The following ATF2 variants were observed in gnomAD, a reference collection of about 807,000 sequenced individuals.
ATF2 encodes activating transcription factor 2, also known as cyclic AMP-dependent transcription factor ATF-2.
A neutral mutation model predicts 60.6 loss-of-function variants in ATF2; 24 were observed. The observed-to-expected ratio is 0.40, with a 90% confidence interval of 0.29 to 0.56. ATF2 has a LOEUF of 0.56. Among genes scored for constraint, ATF2 ranks in the 20% least tolerant of loss-of-function variants. The pLI, the probability that ATF2 is intolerant of heterozygous loss-of-function variation, is 0.54. For missense variants in ATF2, 433 were observed against 607.7 expected, an observed-to-expected ratio of 0.71 and a Z score of 3.02; for synonymous variants, 206 against 215.4, an observed-to-expected ratio of 0.96 and a Z score of 0.38.
chr2:175,085,630 T>G (rs1389718990), intron 12 of ATF2, among the ~76,000 whole-genome samples: 2 of 148,652 alleles, frequency 1.3e-5, no homozygotes, highest in Admixed American at 1.3e-4. Context: ...GGTCTGAAAC[T>G]GATGAACAGG....
rs141869874 is a variant in ATF2 at position 175,097,491 on chromosome 2, G to C, written c.931C>G (p.Arg311Gly). Residue 311 changes from arginine (R) to glycine (G), a missense_variant, in exon 11 of 14, where the codon CGA (arginine) becomes GGA (glycine). This residue lies in a region of ATF2 where 246 missense variants were observed against 309.3 expected (regional missense o/e 0.80). Coordinates refer to ENST00000264110, the MANE Select transcript of ATF2 (RefSeq NM_001880.4). ...GCTGGCTGTTGTAATGACTGCGGTC[G>C]AGATTCCTCTGACTGAGTCCTAACC... ...GLVRTQSEES[R>G]PQSLQQPATS... 9 of 1,614,008 alleles carry C rather than the reference G, an allele frequency of 5.6e-6. No individual in the cohort carries two copies. The highest frequency in any genetic ancestry group is 7.6e-6 in the Non-Finnish European group (9 of 1,180,012).
chr2:175,145,742 T>C (rs1167022222), intron 2 of ATF2, among the ~76,000 whole-genome samples: 1 of 152,180 alleles, frequency 6.6e-6, no homozygotes, highest in Non-Finnish European at 1.5e-5. Flanking sequence ...TGGCACAAGA[T>C]ATTCAAGACG....
At chr2:175,151,738 GTTTA>G (rs1252893846) in intron 1 of ATF2, among the ~76,000 whole-genome samples, 1 of 152,120 alleles carries the variant, frequency 6.6e-6, no homozygotes, top group Non-Finnish European at 1.5e-5. Flanking sequence ...TGATTCAGAA[GTTTA>G]TTTCTTTCAC....
chr2:175,130,978 CTTTTGCCAAAG>C lies in ATF2; in HGVS notation c.33-782_33-772del, dbSNP rs1233187969. ...GCTGTTTCCTTGTAATGTATCAAAA[CTTTTGCCAAAG>C]ATTTGATATATCTCATTTTTAGGAA... On this transcript the variant is annotated intron_variant, in intron 3 of 13. Coordinates refer to ENST00000264110, the MANE Select transcript of ATF2 (RefSeq NM_001880.4). 1.6e-3 allele frequency among the ~76,000 whole-genome samples: 236 copies of C among 152,192 alleles called. 1 individual carries two copies. The highest frequency in any genetic ancestry group is 5.4e-3 in the African/African-American group (226 of 41,538).
chr2:175,159,166 A>G (rs1039540115), intron 1 of ATF2, among the ~76,000 whole-genome samples: 3 of 151,978 alleles, frequency 2.0e-5, no homozygotes, highest in African/African-American at 7.3e-5. Flanking sequence ...AAAAATACAA[A>G]AAAATCAGCG....
At position 175,147,703 on chromosome 2, in the gene ATF2, AT is replaced by A. The variant is rs201936965; in HGVS notation, c.-44+3356del. 2.6e-5 allele frequency among the ~76,000 whole-genome samples: 4 copies of A among 152,180 alleles called. No homozygotes were observed. The East Asian group carries it at 7.7e-4, about 29-fold the overall frequency. On this transcript the variant is annotated intron_variant, in intron 2 of 13. Transcript: ENST00000264110. ...ATGGTTTTTATGAAAATACATAAAC[AT>A]TTTTTTAAAAAGAATAAGACATAGT...
chr2:175,131,102 A>G (rs2105749808), intron 3 of ATF2, among the ~76,000 whole-genome samples: 1 of 152,322 alleles, frequency 6.6e-6, no homozygotes, highest in East Asian at 1.9e-4. Context: ...CCAGGAAGTC[A>G]CCATTATTAA....
chr2:175,086,555 C>T (rs144075808), intron 12 of ATF2, among the ~76,000 whole-genome samples: 1 of 152,124 alleles, frequency 6.6e-6, no homozygotes, highest in East Asian at 1.9e-4. Context: ...TGAGTGGTTC[C>T]TAAGTCATAT....
chr2:175,135,826 T>C (rs1574454669), intron 3 of ATF2, among the ~76,000 whole-genome samples: 1 of 152,174 alleles, frequency 6.6e-6, no homozygotes, highest in African/African-American at 2.4e-5. Flanking sequence ...AGAAATTCTA[T>C]ATAGCAAATA....
intron 1 of ATF2, among the ~76,000 whole-genome samples, chr2:175,162,782 T>C (rs769075475): frequency 5.2e-4 from 79 of 152,188 alleles, no homozygotes; most frequent in Non-Finnish European, 8.8e-4. Flanking sequence ...TGAACACAAT[T>C]ATTTGTTAGT....
At chr2:175,139,529 G>A (rs1445780513) in intron 2 of ATF2, among the ~76,000 whole-genome samples, 9 of 151,886 alleles carry the variant, frequency 5.9e-5, no homozygotes, top group African/African-American at 2.2e-4. Flanking sequence ...AAAATTAGTC[G>A]GGTGTGGTGG....
chr2:175,085,764 G>C (rs963294430), intron 12 of ATF2, among the ~76,000 whole-genome samples: 1 of 152,110 alleles, frequency 6.6e-6, no homozygotes, highest in African/African-American at 2.4e-5. Context: ...AAAGGTTAAT[G>C]AACATCAAGG....
At chr2:175,155,256 T>C (rs1443420893) in intron 1 of ATF2, among the ~76,000 whole-genome samples, 1 of 152,228 alleles carries the variant, frequency 6.6e-6, no homozygotes, top group Non-Finnish European at 1.5e-5. Context: ...ATCCCAAATC[T>C]TATTAGAATG....
chr2:175,126,485 G>GTTAAC lies in ATF2; in HGVS notation c.102+3648_102+3652dup, dbSNP rs557896540. ...GGAAGTGGAGGTAGAAAGTATGCAT[G>GTTAAC]TTAACTCCTTTAATAGTAGGAAACC... is the stretch of plus-strand genomic sequence containing the variant. On this transcript the variant is annotated intron_variant, in intron 4 of 13. Transcript: ENST00000264110. 2.8e-4 allele frequency among the ~76,000 whole-genome samples: 42 copies of GTTAAC among 152,284 alleles called. No homozygotes were observed. The East Asian group carries it at 7.7e-3, about 28-fold the overall frequency.
At chr2:175,129,842 A>G (rs1440275090) in intron 4 of ATF2, among the ~76,000 whole-genome samples, 2 of 152,064 alleles carry the variant, frequency 1.3e-5, no homozygotes, top group African/African-American at 4.8e-5. Flanking sequence ...ATAATTTTCA[A>G]CCAATAACAG....
intron 7 of ATF2, among the ~76,000 whole-genome samples, chr2:175,115,266 G>A (rs1269425884): frequency 1.3e-5 from 2 of 152,058 alleles, no homozygotes; most frequent in African/African-American, 4.8e-5. Flanking sequence ...GTATGAAGAG[G>A]AAACAGGTCC....
In ATF2 at chr2:175,128,194, A is replaced by AT. The variant is rs572626054; in HGVS notation, c.102+1943dup. 8.2e-4 allele frequency among the ~76,000 whole-genome samples: 125 copies of AT among 152,292 alleles called. 1 individual carries two copies. Among genetic ancestry groups the AT allele is most frequent in the South Asian group, 2.7e-3 (13 of 4,822 alleles). The stretch of plus-strand genomic sequence containing the variant: ...ATTATGCTGGGATATCTAAACCCGT[A>AT]TTTTTTAAAAACTTAGCTTCAACTG... On this transcript the variant is annotated intron_variant, in intron 4 of 13. Coordinates refer to ENST00000264110, the MANE Select transcript of ATF2 (RefSeq NM_001880.4).
intron 10 of ATF2, among the ~76,000 whole-genome samples, chr2:175,109,147 GA>G (rs1405733418): frequency 2.4e-5 from 2 of 82,530 alleles, no homozygotes; most frequent in African/African-American, 4.5e-5. Flanking sequence ...CCCTCTGTGA[GA>G]AACACCCAAG....
chr2:175,157,564 T>C (rs1037604124), intron 1 of ATF2, among the ~76,000 whole-genome samples: 8 of 152,070 alleles, frequency 5.3e-5, no homozygotes, highest in Non-Finnish European at 1.0e-4. Context: ...ATCCTATTGA[T>C]TGGTTGATGA....
Sources: allele counts gnomAD v4.1 joint callset (sites outside exome capture counted in the v4.1 genomes callset), GRCh38; gene constraint gnomAD v4.1.1; regional missense constraint gnomAD v4.1.1; transcripts MANE v1.5; gene names NCBI Gene and HGNC (gene_info 2026-07-23, HGNC 2026-07-21).